ADAM22: variants seen among roughly 807,000 people sequenced by gnomAD.
ADAM22 encodes the protein ADAM metallopeptidase domain 22, also known as disintegrin and metalloproteinase domain-containing protein 22.
In ADAM22, 65 loss-of-function variants were observed where a neutral mutation model predicts 144.6. The observed-to-expected ratio is 0.45, with a 90% CI of 0.37 to 0.55. ADAM22 has a LOEUF of 0.55. Ranked by LOEUF, ADAM22 falls within the 20% of genes least tolerant of loss-of-function variation. The pLI is 0.00. For synonymous variants in ADAM22, 391 were observed against 412.6 expected, an observed-to-expected ratio of 0.95 and a Z score of 0.63; for missense variants, 974 against 1,184.9, an observed-to-expected ratio of 0.82 and a Z score of 2.61.
At chr7:88,174,323 G>A (rs1845098592) in intron 26 of ADAM22, among the ~76,000 whole-genome samples, 3 of 152,038 alleles carry the variant, frequency 2.0e-5, no homozygotes, top group Non-Finnish European at 4.4e-5. Context: ...CTCCATTCTG[G>A]GTCATAGTGA....
At chr7:88,179,227 A>C (rs1846393513) in intron 27 of ADAM22, 98 bp downstream of exon 27, 2 of 522,728 alleles carry the variant, frequency 3.8e-6, no homozygotes, top group South Asian at 4.6e-5. Context: ...AGAACCACTC[A>C]TTATACAAAT....
intron 7 of ADAM22, among the ~76,000 whole-genome samples, chr7:88,122,983 G>A (rs993131196): frequency 6.6e-6 from 1 of 152,132 alleles, no homozygotes; most frequent in Non-Finnish European, 1.5e-5. Flanking sequence ...ATCAAGAATA[G>A]GTGTTGAATT....
intron 4 of ADAM22, among the ~76,000 whole-genome samples, chr7:88,082,895 G>T (rs1817231088): frequency 6.6e-6 from 1 of 152,162 alleles, no homozygotes; most frequent in Non-Finnish European, 1.5e-5. Context: ...TGGTGGGACT[G>T]TAAACTAGTG....
chr7:88,151,409 T>G (rs527293505), intron 20 of ADAM22, 89 bp downstream of exon 20: 1 of 1,450,652 alleles, frequency 6.9e-7, no homozygotes, highest in East Asian at 2.3e-5. Flanking sequence ...AATTTTTGAC[T>G]ACTTTATGAC....
In ADAM22 at chr7:88,163,087, G is replaced by A; in HGVS notation, c.1983G>A (p.Met661Ile). The change falls in exon 23 of 32, where the codon ATG becomes ATA. Residue 661 changes from methionine (M) to isoleucine (I), a missense_variant. Around this residue, in one of 2 missense-constraint regions of ADAM22, gnomAD observed 734 missense variants for 950.6 expected, o/e 0.77. Transcript: ENST00000413139. ...VEDGTPCGPQ[M>I]MCLEHRCLPV... ...ATGGGACACCTTGTGGTCCCCAAAT[G>A]ATGTGCTTAGAACACAGGTGTCTTC... 1.2e-6 allele frequency: 2 copies of A among 1,612,166 alleles called. No homozygotes were observed. Among genetic ancestry groups the A allele is most frequent in the Non-Finnish European group, 1.7e-6 (2 of 1,178,982 alleles).
At chr7:88,057,524 G>C (rs542702746) in intron 3 of ADAM22, among the ~76,000 whole-genome samples, 1 of 152,160 alleles carries the variant, frequency 6.6e-6, no homozygotes, top group Non-Finnish European at 1.5e-5. Context: ...AAATGAAGAA[G>C]ATCTCAAGAT....
At chr7:88,046,092 G>T (rs1301840846) in intron 3 of ADAM22, among the ~76,000 whole-genome samples, 1 of 152,132 alleles carries the variant, frequency 6.6e-6, no homozygotes, top group African/African-American at 2.4e-5. Flanking sequence ...AGAAGGGGGA[G>T]TGCTGGATCA....
At chr7:88,004,989 AT>A (rs1326487041) in intron 3 of ADAM22, among the ~76,000 whole-genome samples, 1 of 152,116 alleles carries the variant, frequency 6.6e-6, no homozygotes, top group Non-Finnish European at 1.5e-5. Context: ...TTAATGCTAT[AT>A]TATTATAAAA....
At chr7:88,084,342 C>G (rs73202359) in intron 4 of ADAM22, among the ~76,000 whole-genome samples, 6,172 of 152,262 alleles carry the variant, frequency 0.041, 189 homozygotes, top group Middle Eastern at 0.061. Flanking sequence ...ACCCCTAAGC[C>G]TGTCATACCA....
At chr7:88,106,291 T>C (rs1230988405) in intron 4 of ADAM22, among the ~76,000 whole-genome samples, 2 of 152,142 alleles carry the variant, frequency 1.3e-5, no homozygotes, top group Admixed American at 1.3e-4. Flanking sequence ...TTGGAGGTGG[T>C]TTAAGGTCCA....
intron 7 of ADAM22, among the ~76,000 whole-genome samples, chr7:88,119,603 C>G (rs1828727740): frequency 6.6e-6 from 1 of 152,156 alleles, no homozygotes; most frequent in African/African-American, 2.4e-5. Context: ...GTTCTCCTGC[C>G]TCAGGCTCCC....
chr7:87,973,460 A>C (rs976207520), intron 2 of ADAM22, among the ~76,000 whole-genome samples: 2 of 152,056 alleles, frequency 1.3e-5, no homozygotes, highest in Non-Finnish European at 2.9e-5. Context: ...GAGGATGTGG[A>C]GAAATAGGAA....
Position 88,132,723 on chromosome 7 carries a change from A to C in ADAM22, c.993-144A>C, listed in dbSNP as rs546156661. On this transcript the variant is annotated intron_variant, in intron 11 of 31. Coordinates refer to ENST00000413139, the MANE Select transcript of ADAM22 (RefSeq NM_001324418.2). ...TTTTCTTTGGTTACATGTATAAACA[A>C]TTTTCACATTCTTCCCTTGCAATGT... The C allele has an allele frequency of 1.9e-5, 12 of 618,804 alleles. No homozygotes were observed. The South Asian group carries it at 3.0e-4, about 15-fold the overall frequency. 38.3% of individuals were successfully genotyped at this position (618,804 alleles called of 1,614,324 possible).
At chr7:88,166,493 G>T (rs921586419) in intron 24 of ADAM22, among the ~76,000 whole-genome samples, 1 of 152,090 alleles carries the variant, frequency 6.6e-6, no homozygotes, top group African/African-American at 2.4e-5. Flanking sequence ...CCAAATGGGG[G>T]TATAGAAATC....
intron 3 of ADAM22, among the ~76,000 whole-genome samples, chr7:88,068,069 A>T (rs547701921): frequency 6.6e-6 from 1 of 152,280 alleles, no homozygotes; most frequent in African/African-American, 2.4e-5. Flanking sequence ...TTGGCACTTT[A>T]AAAAAAGCTG....
intron 17 of ADAM22, among the ~76,000 whole-genome samples, chr7:88,145,939 T>G (rs1836267255): frequency 1.3e-5 from 2 of 152,190 alleles, no homozygotes; most frequent in African/African-American, 4.8e-5. Flanking sequence ...GGTGTATCTC[T>G]TGCATTAGCT....
chr7:88,119,773 G>GC (rs150300597), intron 7 of ADAM22, among the ~76,000 whole-genome samples: 1,556 of 152,348 alleles, frequency 0.01, 26 homozygotes, highest in African/African-American at 0.035. Flanking sequence ...ACTGGCATGA[G>GC]CCACTGCGCC....
At chr7:88,124,908 A>G (rs930241647) in intron 7 of ADAM22, among the ~76,000 whole-genome samples, 4 of 152,018 alleles carry the variant, frequency 2.6e-5, no homozygotes, top group Admixed American at 1.3e-4. Context: ...TTATTTGTAT[A>G]ATAAGCCCCT....
At chr7:88,044,561 C>T (rs969981464) in intron 3 of ADAM22, among the ~76,000 whole-genome samples, 4 of 151,880 alleles carry the variant, frequency 2.6e-5, no homozygotes, top group Non-Finnish European at 5.9e-5. Context: ...ATTCTCCTGC[C>T]TCAGCCTCCT....
Sources: gnomAD v4.1 joint callset for allele counts (sites outside exome capture counted in the v4.1 genomes callset) on GRCh38, gnomAD v4.1.1 for gene constraint, gnomAD v4.1.1 regional missense constraint, MANE v1.5 for transcripts, NCBI Gene and HGNC (gene_info 2026-07-23, HGNC 2026-07-21) for gene names.